Variants in SGCZ observed in about 807,000 individuals in gnomAD.
The protein encoded by SGCZ is zeta-sarcoglycan.
In SGCZ, 40 loss-of-function variants were observed where a neutral mutation model predicts 41.3. The ratio of observed to expected loss-of-function variants is 0.97; its 90% CI spans 0.75 to 1.26. The LOEUF (loss-of-function observed/expected upper bound fraction) is 1.26, where lower values mean the gene tolerates loss of function less well. Among genes scored for constraint, SGCZ ranks in the 50% most tolerant of loss-of-function variants. The probability of loss-of-function intolerance (pLI) is 0.00; values close to 1 mark genes in which losing one functional copy is unlikely to be tolerated. For synonymous variants in SGCZ, 206 were observed against 137.5 expected (o/e 1.50, Z -3.49); for missense variants, 552 against 369.8 (o/e 1.49, Z -4.04).
chr8:14,682,879 T>C (rs1438406879), intron 1 of SGCZ, among the ~76,000 whole-genome samples: 1 of 152,192 alleles, frequency 6.6e-6, no homozygotes, highest in Non-Finnish European at 1.5e-5. Flanking sequence ...AGATTCAGTA[T>C]TGTTTAACCT....
At chr8:14,931,920 A>G (rs554228704) in intron 1 of SGCZ, among the ~76,000 whole-genome samples, 7 of 152,106 alleles carry the variant, frequency 4.6e-5, no homozygotes, top group East Asian at 3.9e-4. Context: ...CCAATAACCA[A>G]TAAGATGTTT....
intron 1 of SGCZ, among the ~76,000 whole-genome samples, chr8:14,851,747 T>C (rs1353493805): frequency 6.6e-6 from 1 of 152,192 alleles, no homozygotes; most frequent in African/African-American, 2.4e-5. Flanking sequence ...ATTATTATCA[T>C]AGTCTAATGC....
At chr8:14,696,780 A>G (rs1223244140) in intron 1 of SGCZ, among the ~76,000 whole-genome samples, 1 of 151,704 alleles carries the variant, frequency 6.6e-6, no homozygotes, top group East Asian at 1.9e-4. Context: ...CTGTTTGCCA[A>G]AAGGGGGATG....
At chr8:15,045,347 C>A (rs1424014430) in intron 1 of SGCZ, among the ~76,000 whole-genome samples, 1 of 152,092 alleles carries the variant, frequency 6.6e-6, no homozygotes, top group African/African-American at 2.4e-5. Flanking sequence ...AAATGACTTT[C>A]TCTTATCCAG....
intron 1 of SGCZ, among the ~76,000 whole-genome samples, chr8:14,752,233 C>G (rs1436772502): frequency 1.5e-4 from 22 of 149,044 alleles, no homozygotes; most frequent in Admixed American, 1.5e-3. Context: ...GCAGGGTTTT[C>G]TCTTATTTGC....
chr8:14,483,995 T>G (rs1348495402), intron 2 of SGCZ, among the ~76,000 whole-genome samples: 1 of 152,288 alleles, frequency 6.6e-6, no homozygotes, highest in African/African-American at 2.4e-5. Flanking sequence ...AAAATCCAAC[T>G]TTTTGCAGTT....
intron 1 of SGCZ, among the ~76,000 whole-genome samples, chr8:14,735,040 T>G (rs1376092155): frequency 6.6e-6 from 1 of 152,134 alleles, no homozygotes; most frequent in Non-Finnish European, 1.5e-5. Context: ...CAAATAAGTA[T>G]GAAGCATAGA....
chr8:14,952,149 A>G (rs1800660645), intron 1 of SGCZ, among the ~76,000 whole-genome samples: 1 of 152,104 alleles, frequency 6.6e-6, no homozygotes, highest in Non-Finnish European at 1.5e-5. Flanking sequence ...CTAACACACT[A>G]AAATATATTT....
chr8:15,100,574 T>C (rs1243917209), intron 1 of SGCZ, among the ~76,000 whole-genome samples: 1 of 152,198 alleles, frequency 6.6e-6, no homozygotes, highest in Non-Finnish European at 1.5e-5. Context: ...CACCAGTGGA[T>C]TATTTTGTAG....
At chr8:14,366,520 A>G (rs535126442) in intron 2 of SGCZ, among the ~76,000 whole-genome samples, 1 of 152,202 alleles carries the variant, frequency 6.6e-6, no homozygotes, top group Admixed American at 6.5e-5. Flanking sequence ...ACAAAGTATA[A>G]CCATATCATT....
At chr8:14,267,546 C>A (rs1799917022) in intron 3 of SGCZ, among the ~76,000 whole-genome samples, 1 of 151,998 alleles carries the variant, frequency 6.6e-6, no homozygotes, top group South Asian at 2.1e-4. Context: ...TCTGGTATCG[C>A]CTAGTCTCAT....
At chr8:14,848,023 A>T (rs1312593644) in intron 1 of SGCZ, among the ~76,000 whole-genome samples, 2 of 152,170 alleles carry the variant, frequency 1.3e-5, no homozygotes. Context: ...TACTGGAAAT[A>T]ATAAGTGAAT....
At chr8:14,505,162 T>TTA (rs890084370) in intron 2 of SGCZ, among the ~76,000 whole-genome samples, 2 of 152,046 alleles carry the variant, frequency 1.3e-5, no homozygotes, top group Admixed American at 6.6e-5. Flanking sequence ...ATCCCAAAAA[T>TTA]TATATATATA....
intron 4 of SGCZ, among the ~76,000 whole-genome samples, chr8:14,167,279 C>T (rs1750218516): frequency 6.6e-6 from 1 of 152,072 alleles, no homozygotes; most frequent in African/African-American, 2.4e-5. Context: ...TAAGATAGGT[C>T]AAGGCAGGAT....
chr8:14,232,105 C>G (rs1339632361), intron 4 of SGCZ, among the ~76,000 whole-genome samples: 1 of 149,430 alleles, frequency 6.7e-6, no homozygotes, highest in Non-Finnish European at 1.5e-5. Context: ...TCCTAATGAC[C>G]AATTTTCTAA....
At chr8:14,107,896 G>A (rs762031735) in intron 6 of SGCZ, among the ~76,000 whole-genome samples, 12 of 151,992 alleles carry the variant, frequency 7.9e-5, no homozygotes, top group Non-Finnish European at 1.6e-4. Context: ...TCCTACCTTG[G>A]CCTCCCAAAG....
intron 5 of SGCZ, among the ~76,000 whole-genome samples, chr8:14,129,270 C>G (rs1193316173): frequency 6.9e-6 from 1 of 144,002 alleles, no homozygotes; most frequent in African/African-American, 2.6e-5. Flanking sequence ...TGCTTGAACC[C>G]AGGAGGCAGA....
At chr8:15,084,403 T>A (rs1176742587) in intron 1 of SGCZ, among the ~76,000 whole-genome samples, 3 of 152,140 alleles carry the variant, frequency 2.0e-5, no homozygotes, top group Admixed American at 6.6e-5. Context: ...TGCGAAGACA[T>A]TAAATAAGTT....
At chr8:14,935,335 A>G (rs1029094011) in intron 1 of SGCZ, among the ~76,000 whole-genome samples, 1 of 151,764 alleles carries the variant, frequency 6.6e-6, no homozygotes, top group Non-Finnish European at 1.5e-5. Flanking sequence ...GTTGACATAC[A>G]TAACTTTCTT....
Sources: gnomAD v4.1 joint callset for allele counts (sites outside exome capture counted in the v4.1 genomes callset) on GRCh38, gnomAD v4.1.1 for gene constraint, MANE v1.5 for transcripts, NCBI Gene and HGNC (gene_info 2026-07-23, HGNC 2026-07-21) for gene names.